The following MEGF9 variants were observed in gnomAD, a reference collection of about 807,000 sequenced individuals.
The protein encoded by MEGF9 is multiple epidermal growth factor-like domains protein 9.
A neutral mutation model predicts 46.8 loss-of-function variants in MEGF9; 6 were observed. The observed-to-expected ratio is 0.13, with a 90% CI of 0.07 to 0.25. The LOEUF is 0.25. MEGF9 is among the 10% of genes least tolerant of loss of function. The probability of loss-of-function intolerance (pLI) is 1.00; values close to 1 mark genes in which losing one functional copy is unlikely to be tolerated. For missense variants in MEGF9, 683 were observed against 792.4 expected (o/e 0.86, Z 1.66); for synonymous variants, 302 against 330.7 (o/e 0.91, Z 0.94).
At chr9:120,673,369 G>T (rs2043758615) in intron 1 of MEGF9, among the ~76,000 whole-genome samples, 1 of 151,988 alleles carries the variant, frequency 6.6e-6, no homozygotes, top group African/African-American at 2.4e-5. Flanking sequence ...AACCTCAATA[G>T]CCAAATAACA....
intron 1 of MEGF9, among the ~76,000 whole-genome samples, chr9:120,661,945 T>G (rs943323160): frequency 1.3e-5 from 2 of 152,178 alleles, no homozygotes; most frequent in African/African-American, 4.8e-5. Context: ...TATCACCAGT[T>G]AACTAATCAA....
intron 1 of MEGF9, among the ~76,000 whole-genome samples, chr9:120,682,475 T>C (rs1028806845): frequency 6.6e-6 from 1 of 152,116 alleles, no homozygotes; most frequent in Non-Finnish European, 1.5e-5. Flanking sequence ...TATCCTAAGG[T>C]GTGCAGTGGT....
intron 1 of MEGF9, among the ~76,000 whole-genome samples, chr9:120,681,079 T>C (rs1372165464): frequency 6.6e-6 from 1 of 152,092 alleles, no homozygotes; most frequent in Non-Finnish European, 1.5e-5. Context: ...TACCTTTCCC[T>C]CTGCTTTTCT....
At chr9:120,684,304 A>G (rs2132334404) in intron 1 of MEGF9, among the ~76,000 whole-genome samples, 1 of 152,360 alleles carries the variant, frequency 6.6e-6, no homozygotes, top group East Asian at 1.9e-4. Context: ...TAAACACTCC[A>G]AGGTCGAAAA....
chr9:120,656,450 G>C (rs531408604), intron 2 of MEGF9, among the ~76,000 whole-genome samples: 12 of 151,392 alleles, frequency 7.9e-5, no homozygotes, highest in Non-Finnish European at 1.3e-4. Flanking sequence ...GGGAGCCTCA[G>C]GCAGGAGAAT....
At chr9:120,627,901 A>T (rs2043532490) in intron 2 of MEGF9, among the ~76,000 whole-genome samples, 1 of 152,240 alleles carries the variant, frequency 6.6e-6, no homozygotes, top group Non-Finnish European at 1.5e-5. Context: ...AGAGATAATG[A>T]AATGTATCAA....
At chr9:120,642,265 T>C (rs192634595) in intron 2 of MEGF9, among the ~76,000 whole-genome samples, 1 of 152,336 alleles carries the variant, frequency 6.6e-6, no homozygotes, top group Admixed American at 6.5e-5. Context: ...GATTTATATT[T>C]CCATAGGCCA....
chr9:120,659,699 A>T, intron 1 of MEGF9, 124 bp from the exon 2 acceptor site: 1 of 798,694 alleles, frequency 1.3e-6, no homozygotes, highest in Non-Finnish European at 1.9e-6. Context: ...GATAAAATTA[A>T]CTCTAGTTCA....
chr9:120,614,015 CA>C (rs1384447890), intron 3 of MEGF9, among the ~76,000 whole-genome samples: 1 of 96,684 alleles, frequency 1.0e-5, no homozygotes, highest in Non-Finnish European at 2.5e-5. Flanking sequence ...TTAAAAAGCT[CA>C]ATTTTTTTTT....
At chr9:120,639,975 C>G (rs2043595081) in intron 2 of MEGF9, among the ~76,000 whole-genome samples, 1 of 152,162 alleles carries the variant, frequency 6.6e-6, no homozygotes, top group South Asian at 2.1e-4. Flanking sequence ...TGCCATATAT[C>G]AAATGTCTTT....
At chr9:120,681,873 T>C (rs561714441) in intron 1 of MEGF9, among the ~76,000 whole-genome samples, 1 of 152,276 alleles carries the variant, frequency 6.6e-6, no homozygotes, top group East Asian at 1.9e-4. Context: ...TAGAGGAAGA[T>C]TAGTTTATGA....
At chr9:120,663,618 G>A (rs1006246989) in intron 1 of MEGF9, among the ~76,000 whole-genome samples, 2 of 152,178 alleles carry the variant, frequency 1.3e-5, no homozygotes, top group African/African-American at 4.8e-5. Flanking sequence ...CATGATTAAT[G>A]GCAAGTCACC....
chr9:120,651,872 C>T (rs1021424991), intron 2 of MEGF9, among the ~76,000 whole-genome samples: 3 of 151,326 alleles, frequency 2.0e-5, no homozygotes, highest in Admixed American at 6.6e-5. Context: ...AGGCTGGTCT[C>T]GAACTCCTGA....
At chr9:120,643,907 G>T (rs116146838) in intron 2 of MEGF9, among the ~76,000 whole-genome samples, 3,623 of 152,126 alleles carry the variant, frequency 0.024, 149 homozygotes, top group African/African-American at 0.084. Flanking sequence ...TAGAGATGGG[G>T]TCTCCTTATG....
At chr9:120,649,015 C>A (rs1294562117) in intron 2 of MEGF9, among the ~76,000 whole-genome samples, 1 of 152,192 alleles carries the variant, frequency 6.6e-6, no homozygotes, top group Non-Finnish European at 1.5e-5. Context: ...TTCAGATGCT[C>A]AAGTCCTTTC....
At chr9:120,686,907 T>C (rs1157366023) in intron 1 of MEGF9, among the ~76,000 whole-genome samples, 2 of 152,140 alleles carry the variant, frequency 1.3e-5, no homozygotes, top group African/African-American at 2.4e-5. Flanking sequence ...GAGTAACTAT[T>C]TGAACAAAAA....
intron 2 of MEGF9, among the ~76,000 whole-genome samples, chr9:120,627,825 T>G (rs1387129088): frequency 6.6e-6 from 1 of 152,180 alleles, no homozygotes; most frequent in African/African-American, 2.4e-5. Flanking sequence ...GCTTTTCCCC[T>G]TTCCTTCTTC....
At chr9:120,658,978 A>G (rs2043689623) in intron 2 of MEGF9, among the ~76,000 whole-genome samples, 2 of 152,208 alleles carry the variant, frequency 1.3e-5, no homozygotes, top group South Asian at 2.1e-4. Context: ...ATTAGAGAGA[A>G]AAATAAACCA....
intron 3 of MEGF9, among the ~76,000 whole-genome samples, chr9:120,618,829 G>A (rs1439656145): frequency 2.0e-5 from 3 of 151,284 alleles, no homozygotes; most frequent in Admixed American, 2.0e-4. Flanking sequence ...GAACCCGGGA[G>A]CCAGAGGTTG....
Sources: gnomAD v4.1 joint callset for allele counts (sites outside exome capture counted in the v4.1 genomes callset) on GRCh38, gnomAD v4.1.1 for gene constraint, MANE v1.5 for transcripts, NCBI Gene and HGNC (gene_info 2026-07-23, HGNC 2026-07-21) for gene names.